The following HS2ST1 variants were observed in gnomAD, a reference collection of about 807,000 sequenced individuals.
The protein encoded by HS2ST1 is heparan sulfate 2-O-sulfotransferase 1, also known as 2-O-sulfotransferase.
HS2ST1 carries 18 observed loss-of-function variants against 42.9 expected under a neutral mutation model. The observed-to-expected ratio is 0.42, with a 90% CI of 0.29 to 0.62. The LOEUF is 0.62. Ranked by LOEUF, HS2ST1 falls within the 20% of genes least tolerant of loss-of-function variation. The pLI is 0.21. For synonymous variants in HS2ST1, 146 were observed against 152.9 expected (o/e 0.95, Z 0.33); for missense variants, 334 against 433.8 (o/e 0.77, Z 2.04).
At chr1:87,052,599 G>A (rs1280089499) in intron 1 of HS2ST1, among the ~76,000 whole-genome samples, 1 of 152,146 alleles carries the variant, frequency 6.6e-6, no homozygotes, top group Non-Finnish European at 1.5e-5. Flanking sequence ...CTTTAAAGAG[G>A]AACTGACTAG....
chr1:86,994,912 A>T (rs568025845), intron 1 of HS2ST1, among the ~76,000 whole-genome samples: 46 of 152,270 alleles, frequency 3.0e-4, no homozygotes, highest in African/African-American at 9.6e-4. Context: ...GAATATTTCA[A>T]ATTTCAAATC....
chr1:86,931,961 A>AG (rs1660553124), intron 1 of HS2ST1, among the ~76,000 whole-genome samples: 2 of 152,042 alleles, frequency 1.3e-5, no homozygotes, highest in Non-Finnish European at 2.9e-5. Flanking sequence ...TTTTGTAGAG[A>AG]CAAGGTCTTG....
chr1:86,946,744 A>G (rs1647351175), intron 1 of HS2ST1, among the ~76,000 whole-genome samples: 1 of 152,188 alleles, frequency 6.6e-6, no homozygotes, highest in Admixed American at 6.5e-5. Flanking sequence ...TAGCTTAGTA[A>G]CCTAATTAAT....
chr1:86,972,756 A>G (rs1648274356), intron 1 of HS2ST1, among the ~76,000 whole-genome samples: 1 of 152,212 alleles, frequency 6.6e-6, no homozygotes, highest in Non-Finnish European at 1.5e-5. Flanking sequence ...TATTCAAACT[A>G]GGAGGTTGAC....
At chr1:87,014,059 G>C (rs1312074272) in intron 1 of HS2ST1, among the ~76,000 whole-genome samples, 1 of 152,152 alleles carries the variant, frequency 6.6e-6, no homozygotes, top group Non-Finnish European at 1.5e-5. Flanking sequence ...CCTCCAAACT[G>C]TTCCAACCTC....
intron 1 of HS2ST1, chr1:87,045,794 C>T (rs572204958): frequency 3.5e-6 from 3 of 845,248 alleles, no homozygotes; most frequent in Non-Finnish European, 6.1e-6. Context: ...TAACAAAATC[C>T]ATTGCATATG....
intron 1 of HS2ST1, among the ~76,000 whole-genome samples, chr1:87,028,855 T>C (rs1468966010): frequency 1.3e-5 from 2 of 152,188 alleles, no homozygotes; most frequent in Non-Finnish European, 2.9e-5. Context: ...AAAATAAGTT[T>C]CTTCTAAAAA....
intron 1 of HS2ST1, among the ~76,000 whole-genome samples, chr1:86,929,813 G>A (rs892128291): frequency 6.6e-6 from 1 of 151,748 alleles, no homozygotes; most frequent in African/African-American, 2.4e-5. Flanking sequence ...GTGATTCATT[G>A]TCATATCTCA....
At chr1:87,094,757 C>T (rs1203546236) in intron 4 of HS2ST1, among the ~76,000 whole-genome samples, 2 of 152,096 alleles carry the variant, frequency 1.3e-5, no homozygotes, top group Non-Finnish European at 2.9e-5. Context: ...GATAGGCCAT[C>T]CTGGAGCTTT....
At chr1:87,095,681 A>T (rs1349057579) in intron 4 of HS2ST1, among the ~76,000 whole-genome samples, 2 of 152,126 alleles carry the variant, frequency 1.3e-5, no homozygotes, top group Admixed American at 1.3e-4. Context: ...TGATATAGGA[A>T]CTCCTTTTAT....
intron 4 of HS2ST1, among the ~76,000 whole-genome samples, chr1:87,095,462 T>C (rs750243094): frequency 7.2e-5 from 11 of 152,184 alleles, no homozygotes; most frequent in Non-Finnish European, 1.5e-4. Flanking sequence ...ATTTTAGATA[T>C]ATGTGCACCT....
chr1:86,914,866 G>A lies in HS2ST1; in HGVS notation c.-171G>A, dbSNP rs551794247. On this transcript the variant is annotated 5_prime_UTR_variant, in exon 1 of 7. Transcript: ENST00000370550. ...ACCAGCGGCGTTGGTGATAGCGCCT[G>A]GGGGAGGGGGACTGGAGAGGCGAGA... 1 of 713,194 alleles carries A rather than the reference G, an allele frequency of 1.4e-6. No homozygotes were observed. Among genetic ancestry groups the A allele is most frequent in the Non-Finnish European group, 2.3e-6 (1 of 437,456 alleles). 44.2% of individuals were successfully genotyped at this position (713,194 alleles called of 1,614,324 possible). A position where few individuals can be genotyped will look rare whatever the true frequency, so the allele number is the denominator to read the frequency against.
intron 5 of HS2ST1, 99 bp from the exon 6 acceptor site, chr1:87,103,333 T>C: frequency 1.9e-6 from 2 of 1,072,904 alleles, no homozygotes; most frequent in Non-Finnish European, 2.7e-6. Flanking sequence ...TGGATATACA[T>C]GTGTTTATCT....
In HS2ST1 at chr1:86,928,148, G is replaced by T. The variant is rs558430881; in HGVS notation, c.124+12988G>T. ...TGTATTCAGTAGAGTTGTAAATTCT[G>T]CCCTATTTTTGTTCTAAGACTTTGA... On this transcript the variant is annotated intron_variant, in intron 1 of 6. Coordinates refer to ENST00000370550, the MANE Select transcript of HS2ST1 (RefSeq NM_012262.4). Among the ~76,000 whole-genome samples, 7 of 152,016 alleles carry T rather than the reference G, an allele frequency of 4.6e-5. No homozygotes were observed. In the South Asian group the frequency reaches 1.4e-3, roughly 31 times the overall value.
intron 1 of HS2ST1, among the ~76,000 whole-genome samples, chr1:87,032,386 A>G (rs1001837093): frequency 1.3e-5 from 2 of 152,140 alleles, no homozygotes; most frequent in African/African-American, 4.8e-5. Context: ...CCAGCCTTGT[A>G]TAACTTTATT....
intron 1 of HS2ST1, among the ~76,000 whole-genome samples, chr1:87,032,087 T>C (rs1650253805): frequency 6.6e-6 from 1 of 152,180 alleles, no homozygotes; most frequent in African/African-American, 2.4e-5. Context: ...TTAATAGGAC[T>C]TCAATAGTGG....
chr1:86,951,314 T>A (rs1440999318), intron 1 of HS2ST1, among the ~76,000 whole-genome samples: 3 of 152,194 alleles, frequency 2.0e-5, no homozygotes, highest in African/African-American at 7.2e-5. Context: ...ACCACCTGGA[T>A]TCAGATATTT....
At chr1:87,033,003 C>A in intron 1 of HS2ST1, among the ~76,000 whole-genome samples, 1 of 152,046 alleles carries the variant, frequency 6.6e-6, no homozygotes, top group East Asian at 1.9e-4. Context: ...GTGTTGTAAA[C>A]CCCATCTTCC....
chr1:86,980,044 A>G (rs923909121), intron 1 of HS2ST1, among the ~76,000 whole-genome samples: 3 of 152,248 alleles, frequency 2.0e-5, no homozygotes, highest in Admixed American at 2.0e-4. Flanking sequence ...GAAAAAGCTC[A>G]ATGTATTTGT....
Sources: allele counts gnomAD v4.1 joint callset (sites outside exome capture counted in the v4.1 genomes callset), GRCh38; gene constraint gnomAD v4.1.1; transcripts MANE v1.5; gene names NCBI Gene and HGNC (gene_info 2026-07-23, HGNC 2026-07-21).